Variants in APP observed in about 807,000 individuals in gnomAD.
APP encodes the protein amyloid beta precursor protein.
APP carries 31 observed loss-of-function variants against 101.4 expected under a neutral mutation model. That is an observed-to-expected ratio of 0.31 (90% confidence interval 0.23 to 0.41). The LOEUF is 0.41. Among genes scored for constraint, APP ranks in the 10% least tolerant of loss-of-function variants. The probability of loss-of-function intolerance (pLI) is 1.00; values close to 1 mark genes in which losing one functional copy is unlikely to be tolerated. For missense variants in APP, 839 were observed against 1,003.7 expected, an observed-to-expected ratio of 0.84 and a Z score of 2.22; for synonymous variants, 366 against 364.4, an observed-to-expected ratio of 1.00 and a Z score of -0.05.
intron 2 of APP, among the ~76,000 whole-genome samples, chr21:26,106,021 C>T (rs192285137): frequency 2.6e-5 from 4 of 152,318 alleles, no homozygotes; most frequent in Admixed American, 1.3e-4. Flanking sequence ...GTGGTGGCTC[C>T]AAGGGCAGAC....
intron 11 of APP, among the ~76,000 whole-genome samples, chr21:25,962,790 T>C (rs1006770931): frequency 1.3e-5 from 2 of 152,214 alleles, no homozygotes; most frequent in Non-Finnish European, 2.9e-5. Context: ...GAAGAAAATT[T>C]AATGGCCTTT....
intron 13 of APP, among the ~76,000 whole-genome samples, chr21:25,926,590 T>G (rs970979808): frequency 9.2e-5 from 14 of 152,164 alleles, no homozygotes; most frequent in Non-Finnish European, 1.8e-4. Context: ...CAAACTGACA[T>G]CCATCCTGAG....
intron 5 of APP, among the ~76,000 whole-genome samples, chr21:26,046,728 G>T (rs1294238556): frequency 6.6e-6 from 1 of 152,114 alleles, no homozygotes. Flanking sequence ...CAATTAGAGG[G>T]TCTTCTAACA....
chr21:26,096,048 C>A (rs1380376941), intron 2 of APP, among the ~76,000 whole-genome samples: 1 of 152,180 alleles, frequency 6.6e-6, no homozygotes, highest in Non-Finnish European at 1.5e-5. Context: ...TAAATTATAG[C>A]CACACAGAGC....
At chr21:25,996,218 C>T (rs530444562) in intron 8 of APP, among the ~76,000 whole-genome samples, 8 of 152,244 alleles carry the variant, frequency 5.3e-5, no homozygotes, top group African/African-American at 1.9e-4. Context: ...CAATGCATTT[C>T]TTTATAGGAG....
In APP at chr21:26,012,449, C is replaced by A. The variant is rs138921799; in HGVS notation, c.865+9391G>T. ...CCTTGACTTTTTACTCTTCTACTAA[C>A]AGAATCACAAAAAGTCAGGCATATT... On this transcript the variant is annotated intron_variant, in intron 6 of 17. Transcript: ENST00000346798. Among the ~76,000 whole-genome samples, 377 of 152,126 alleles carry A rather than the reference C, an allele frequency of 2.5e-3. 1 individual carries two copies. The highest frequency in any genetic ancestry group is 8.8e-3 in the African/African-American group (367 of 41,484).
intron 1 of APP, among the ~76,000 whole-genome samples, chr21:26,123,617 A>G (rs1051126067): frequency 6.6e-6 from 1 of 152,182 alleles, no homozygotes; most frequent in African/African-American, 2.4e-5. Context: ...TGCCATTTCT[A>G]TAGGAATAAA....
chr21:25,892,556 T>G (rs1282282630), intron 16 of APP, among the ~76,000 whole-genome samples: 1 of 152,222 alleles, frequency 6.6e-6, no homozygotes, highest in African/African-American at 2.4e-5. Context: ...CAAAGTGAAG[T>G]ACAGGCAACA....
intron 1 of APP, among the ~76,000 whole-genome samples, chr21:26,147,609 A>T (rs2063179131): frequency 6.6e-6 from 1 of 152,170 alleles, no homozygotes; most frequent in Admixed American, 6.5e-5. Context: ...CTTAAAAGAA[A>T]AAAAAAATCT....
chr21:26,123,884 G>C (rs886165423), intron 1 of APP, among the ~76,000 whole-genome samples: 2 of 152,048 alleles, frequency 1.3e-5, no homozygotes, highest in Non-Finnish European at 2.9e-5. Flanking sequence ...GGTGCAGTTA[G>C]TTGACAGTAG....
At chr21:25,938,308 T>C (rs553673907) in intron 13 of APP, among the ~76,000 whole-genome samples, 2 of 152,260 alleles carry the variant, frequency 1.3e-5, no homozygotes, top group South Asian at 2.1e-4. Context: ...GAAATTCACA[T>C]GGCCAGTTTA....
chr21:25,888,461 TAC>T, intron 17 of APP, among the ~76,000 whole-genome samples: 1 of 152,288 alleles, frequency 6.6e-6, no homozygotes, highest in East Asian at 1.9e-4. Context: ...AACATTGCTG[TAC>T]AGACACACTA....
intron 13 of APP, among the ~76,000 whole-genome samples, chr21:25,915,172 C>T (rs1480460996): frequency 1.3e-5 from 2 of 152,236 alleles, no homozygotes; most frequent in Non-Finnish European, 2.9e-5. Context: ...ACACCTCTCT[C>T]TCAGGCTAAA....
chr21:26,039,143 C>T (rs181467420), intron 5 of APP, among the ~76,000 whole-genome samples: 2 of 152,304 alleles, frequency 1.3e-5, no homozygotes, highest in East Asian at 3.9e-4. Context: ...ACTGTAAGTG[C>T]AATACTGCCC....
chr21:25,997,312 C>T, intron 8 of APP, 48 bp downstream of exon 8: 2 of 1,558,140 alleles, frequency 1.3e-6, no homozygotes, highest in Non-Finnish European at 8.9e-7. Flanking sequence ...GTGAACCAAG[C>T]AGCATCCTCC....
intron 8 of APP, among the ~76,000 whole-genome samples, chr21:25,989,914 A>C (rs1386052917): frequency 7.5e-6 from 1 of 133,314 alleles, no homozygotes; most frequent in Admixed American, 7.2e-5. Flanking sequence ...TTAAAAAAAA[A>C]GTGTCTCTAA....
intron 5 of APP, among the ~76,000 whole-genome samples, chr21:26,031,667 T>C (rs2044830954): frequency 6.6e-6 from 1 of 150,918 alleles, no homozygotes; most frequent in South Asian, 2.1e-4. Context: ...GCAAGAATAG[T>C]ACAGAGAAGA....
intron 3 of APP, among the ~76,000 whole-genome samples, chr21:26,058,878 G>C (rs1305612392): frequency 6.6e-6 from 1 of 152,072 alleles, no homozygotes; most frequent in East Asian, 1.9e-4. Context: ...TCAGGAGATC[G>C]AGACCATCCT....
intron 11 of APP, among the ~76,000 whole-genome samples, chr21:25,964,451 C>T (rs777166746): frequency 7.9e-5 from 12 of 152,048 alleles, no homozygotes; most frequent in East Asian, 1.9e-4. Context: ...AATTTGCAGA[C>T]GGAATAGGAG....
Sources: allele counts gnomAD v4.1 joint callset (sites outside exome capture counted in the v4.1 genomes callset), GRCh38; gene constraint gnomAD v4.1.1; transcripts MANE v1.5; gene names NCBI Gene and HGNC (gene_info 2026-07-23, HGNC 2026-07-21).